Variants in SPIDR observed in about 807,000 individuals in gnomAD.
The protein encoded by SPIDR is DNA repair-scaffolding protein.
In SPIDR, 93 loss-of-function variants were observed where a neutral mutation model predicts 104.6. That is an observed-to-expected ratio of 0.89 (90% confidence interval 0.75 to 1.06). The LOEUF (loss-of-function observed/expected upper bound fraction) is 1.06. SPIDR is among the 50% of genes least tolerant of loss of function. The pLI, the probability that SPIDR is intolerant of heterozygous loss-of-function variation, is 0.00. For missense variants in SPIDR, 1,154 were observed against 1,111.2 expected (o/e 1.04, Z -0.55); for synonymous variants, 431 against 416.9 (o/e 1.03, Z -0.41).
chr8:47,358,244 G>C (rs184867907), intron 5 of SPIDR, among the ~76,000 whole-genome samples: 10 of 151,768 alleles, frequency 6.6e-5, no homozygotes, highest in Non-Finnish European at 1.3e-4. Context: ...GCACACCACC[G>C]TAGCTAATTT....
At chr8:47,419,310 T>C (rs1457294651) in intron 7 of SPIDR, 1 of 152,244 alleles carries the variant, frequency 6.6e-6, no homozygotes, top group African/African-American at 2.4e-5. Flanking sequence ...GTTATTGGTC[T>C]ATTCAGGGAT....
chr8:47,524,675 A>T (rs1275235197), intron 8 of SPIDR, among the ~76,000 whole-genome samples: 1 of 152,216 alleles, frequency 6.6e-6, no homozygotes, highest in Non-Finnish European at 1.5e-5. Context: ...GTCTCAAAGC[A>T]TTTTCATATT....
intron 15 of SPIDR, chr8:47,713,156 T>C (rs934399937): frequency 1.4e-6 from 1 of 694,760 alleles, no homozygotes; most frequent in Non-Finnish European, 2.2e-6. Context: ...GCTAGAATAT[T>C]ATAAATGCGT....
intron 8 of SPIDR, among the ~76,000 whole-genome samples, chr8:47,550,723 A>AT (rs1450810020): frequency 6.6e-6 from 1 of 152,176 alleles, no homozygotes; most frequent in Non-Finnish European, 1.5e-5. Flanking sequence ...AACAGGAACA[A>AT]TTTGACTTCC....
In SPIDR at chr8:47,700,441, C is replaced by T. The variant is rs777413658; in HGVS notation, c.1724C>T (p.Pro575Leu). The change falls in exon 12 of 20, where the codon CCC becomes CTC. Residue 575 changes from proline to leucine, a missense_variant. Coordinates refer to ENST00000297423, the MANE Select transcript of SPIDR (RefSeq NM_001080394.4). ...GIFSLIDTLW[P>L]PAIPLKTPGR... Reference sequence around the variant, plus strand: ...TTCAGTTTGATTGACACCCTGTGGCCCCCAGCGATACCTCTGAAAACACCT... The same window carrying T: ...TTCAGTTTGATTGACACCCTGTGGCTCCCAGCGATACCTCTGAAAACACCT... 9.9e-6 allele frequency: 16 copies of T among 1,614,158 alleles called. No homozygotes were observed. In the South Asian group the frequency reaches 1.8e-4, roughly 18 times the overall value.
intron 8 of SPIDR, among the ~76,000 whole-genome samples, chr8:47,538,525 C>G (rs1298238937): frequency 1.3e-5 from 2 of 152,124 alleles, no homozygotes; most frequent in Non-Finnish European, 1.5e-5. Context: ...ACCTAGACAA[C>G]AGAGTGAGAC....
chr8:47,582,526 T>A (rs1045111239), intron 8 of SPIDR, among the ~76,000 whole-genome samples: 1 of 152,174 alleles, frequency 6.6e-6, no homozygotes, highest in Non-Finnish European at 1.5e-5. Context: ...TTACTTTTTC[T>A]TAAGTCTATT....
intron 8 of SPIDR, among the ~76,000 whole-genome samples, chr8:47,558,228 A>T (rs140115459): frequency 2.3e-3 from 345 of 152,308 alleles, no homozygotes; most frequent in African/African-American, 7.6e-3. Context: ...TGACAGCATC[A>T]GTAGAAGCCC....
chr8:47,498,971 C>A (rs909702183), intron 8 of SPIDR, among the ~76,000 whole-genome samples: 3 of 152,102 alleles, frequency 2.0e-5, no homozygotes, highest in African/African-American at 7.2e-5. Flanking sequence ...TATTTGTAAT[C>A]ACTACCACGA....
At chr8:47,537,557 G>A (rs1196902812) in intron 8 of SPIDR, among the ~76,000 whole-genome samples, 5 of 152,200 alleles carry the variant, frequency 3.3e-5, no homozygotes, top group African/African-American at 1.2e-4. Flanking sequence ...TAGAGGGAGG[G>A]AGAGATGAAT....
intron 8 of SPIDR, among the ~76,000 whole-genome samples, chr8:47,502,709 G>A (rs1416675323): frequency 6.6e-6 from 1 of 152,072 alleles, no homozygotes; most frequent in East Asian, 1.9e-4. Context: ...TGTTTCTCTA[G>A]TTCTTTTAAT....
intron 6 of SPIDR, among the ~76,000 whole-genome samples, chr8:47,407,311 A>G (rs2062887887): frequency 1.3e-5 from 2 of 152,194 alleles, no homozygotes; most frequent in African/African-American, 4.8e-5. Context: ...TGGAGTCCAA[A>G]TAAGGGACCC....
chr8:47,595,683 C>T (rs1249227450), intron 8 of SPIDR, 128 bp from the exon 9 acceptor site: 3 of 780,324 alleles, frequency 3.8e-6, no homozygotes, highest in Non-Finnish European at 6.4e-6. Context: ...AGCTGTGCCT[C>T]TGTGGGTGGG....
chr8:47,270,295 A>G (rs2035029981), intron 1 of SPIDR, among the ~76,000 whole-genome samples: 1 of 151,874 alleles, frequency 6.6e-6, no homozygotes. Context: ...TAAAGTTATG[A>G]CTCAATCTCT....
chr8:47,380,629 T>C (rs1056218712), intron 5 of SPIDR, among the ~76,000 whole-genome samples: 2 of 152,106 alleles, frequency 1.3e-5, no homozygotes, highest in African/African-American at 4.8e-5. Flanking sequence ...TGGAGGGGGC[T>C]TCTGTAAGCC....
intron 8 of SPIDR, among the ~76,000 whole-genome samples, chr8:47,507,840 ATAGAG>A (rs958866913): frequency 2.0e-5 from 3 of 152,240 alleles, no homozygotes; most frequent in Non-Finnish European, 4.4e-5. Context: ...TACTTGCTAT[ATAGAG>A]TATTGTGTGA....
chr8:47,410,962 A>G (rs1369097076), intron 7 of SPIDR, among the ~76,000 whole-genome samples: 1 of 152,130 alleles, frequency 6.6e-6, no homozygotes, highest in Non-Finnish European at 1.5e-5. Flanking sequence ...TTCCAGCTTC[A>G]TCCATGTCCC....
At chr8:47,291,238 C>G in intron 4 of SPIDR, 101 bp downstream of exon 4, 1 of 695,724 alleles carries the variant, frequency 1.4e-6, no homozygotes, top group Non-Finnish European at 2.3e-6. Flanking sequence ...TGTTAGGAAT[C>G]CAGTTTCTGT....
chr8:47,274,725 G>A lies in SPIDR; in HGVS notation c.34-5137G>A, dbSNP rs887563338. On this transcript the variant is annotated intron_variant, in intron 1 of 19. Coordinates refer to ENST00000297423, the MANE Select transcript of SPIDR (RefSeq NM_001080394.4). Reference sequence around the variant, plus strand: ...CTGAGTAGCTGTGATTACAGGCACCGCGACCACACCCGGCTAATTTTTGTA... The same window carrying A: ...CTGAGTAGCTGTGATTACAGGCACCACGACCACACCCGGCTAATTTTTGTA... 5.2e-3 allele frequency among the ~76,000 whole-genome samples: 781 copies of A among 151,216 alleles called. 9 individuals carry two copies. The highest frequency in any genetic ancestry group is 0.018 in the African/African-American group (731 of 41,262).
Sources: allele counts gnomAD v4.1 joint callset (sites outside exome capture counted in the v4.1 genomes callset), GRCh38; gene constraint gnomAD v4.1.1; transcripts MANE v1.5; gene names NCBI Gene and HGNC (gene_info 2026-07-23, HGNC 2026-07-21).